Variants in KIAA0319L observed in about 807,000 individuals in gnomAD.
KIAA0319L encodes dyslexia-associated protein KIAA0319-like protein.
Under a neutral mutation model 120.1 loss-of-function variants are expected in KIAA0319L, and 55 were observed. That is an observed-to-expected ratio of 0.46 (90% CI 0.37 to 0.57). The LOEUF is 0.57. Ranked by LOEUF, KIAA0319L falls within the 20% of genes least tolerant of loss-of-function variation. The probability of loss-of-function intolerance (pLI) is 0.00; values close to 1 mark genes in which losing one functional copy is unlikely to be tolerated. For synonymous variants in KIAA0319L, 398 were observed against 471.9 expected, an observed-to-expected ratio of 0.84 and a Z score of 2.03; for missense variants, 1,049 against 1,255.3, an observed-to-expected ratio of 0.84 and a Z score of 2.48.
At chr1:35,502,455 TCATCAC>T (rs1299795417) in intron 3 of KIAA0319L, among the ~76,000 whole-genome samples, 1 of 151,574 alleles carries the variant, frequency 6.6e-6, no homozygotes, top group Non-Finnish European at 1.5e-5. Context: ...ATCATCATCA[TCATCAC>T]CATCACCATC....
intron 3 of KIAA0319L, among the ~76,000 whole-genome samples, chr1:35,484,798 ATATATATATTT>A (rs1285269229): frequency 0.012 from 296 of 25,298 alleles, 5 homozygotes; most frequent in African/African-American, 0.058. Flanking sequence ...ATATATATAT[ATATATATATTT>A]TTTTTTTTAT....
chr1:35,541,982 T>C (rs1458911231), intron 2 of KIAA0319L, among the ~76,000 whole-genome samples: 2 of 152,184 alleles, frequency 1.3e-5, no homozygotes, highest in African/African-American at 2.4e-5. Flanking sequence ...TAAAGCTATA[T>C]GAATGGAGGC....
intron 2 of KIAA0319L, among the ~76,000 whole-genome samples, chr1:35,529,749 T>C (rs893261507): frequency 6.6e-6 from 1 of 152,228 alleles, no homozygotes; most frequent in Non-Finnish European, 1.5e-5. Flanking sequence ...TCTTTTTGTC[T>C]TTACTTCTGA....
At chr1:35,502,029 A>G (rs1253090616) in intron 3 of KIAA0319L, among the ~76,000 whole-genome samples, 2 of 152,122 alleles carry the variant, frequency 1.3e-5, no homozygotes, top group Non-Finnish European at 1.5e-5. Flanking sequence ...CTGTAGTCCC[A>G]GCACTTTGGG....
chr1:35,514,895 T>C (rs555141445), intron 2 of KIAA0319L, among the ~76,000 whole-genome samples: 47 of 152,350 alleles, frequency 3.1e-4, no homozygotes, highest in African/African-American at 6.5e-4. Context: ...AGGGATCTGA[T>C]AGACCTCTAC....
chr1:35,454,933 TG>T (rs1434993469), intron 10 of KIAA0319L, among the ~76,000 whole-genome samples: 2 of 152,248 alleles, frequency 1.3e-5, no homozygotes, highest in African/African-American at 4.8e-5. Flanking sequence ...CTCAAGATGC[TG>T]TATAACACCA....
chr1:35,516,816 G>A (rs1207046382), intron 2 of KIAA0319L, among the ~76,000 whole-genome samples: 3 of 151,974 alleles, frequency 2.0e-5, no homozygotes, highest in Admixed American at 6.6e-5. Flanking sequence ...CCACAGTCTC[G>A]GCCCAAAAGC....
chr1:35,511,711 C>G (rs1384825769), intron 2 of KIAA0319L, among the ~76,000 whole-genome samples: 1 of 152,122 alleles, frequency 6.6e-6, no homozygotes. Flanking sequence ...GAAGCCTTCT[C>G]ATTTGTAAGG....
upstream of KIAA0319L, chr1:35,557,421 C>T (rs536895233): frequency 9.0e-6 from 3 of 332,358 alleles, no homozygotes; most frequent in Non-Finnish European, 1.8e-5. Flanking sequence ...CCTCCCACCT[C>T]CCCGGGACCG....
At chr1:35,470,484 C>A (rs942033547) in intron 6 of KIAA0319L, among the ~76,000 whole-genome samples, 4 of 107,614 alleles carry the variant, frequency 3.7e-5, no homozygotes, top group Non-Finnish European at 7.2e-5. Context: ...CAGAGCAAGA[C>A]CCTGTCTCAA....
intron 3 of KIAA0319L, among the ~76,000 whole-genome samples, chr1:35,482,323 A>G (rs1468331656): frequency 6.6e-6 from 1 of 152,000 alleles, no homozygotes; most frequent in East Asian, 1.9e-4. Flanking sequence ...TCTGCTTTAT[A>G]TTATATACTA....
intron 19 of KIAA0319L, among the ~76,000 whole-genome samples, chr1:35,441,981 C>G (rs1231213002): frequency 1.3e-5 from 2 of 152,188 alleles, no homozygotes; most frequent in East Asian, 1.9e-4. Flanking sequence ...CTCACTCCCC[C>G]ACCTTGCCCT....
intron 2 of KIAA0319L, among the ~76,000 whole-genome samples, chr1:35,513,542 G>A (rs895655746): frequency 2.6e-5 from 4 of 151,782 alleles, no homozygotes; most frequent in Admixed American, 6.6e-5. Context: ...GCTTGAGCTT[G>A]GGAGATACTG....
intron 3 of KIAA0319L, among the ~76,000 whole-genome samples, chr1:35,484,806 A>ATATTTTTT (rs1381080295): frequency 2.3e-5 from 2 of 86,264 alleles, no homozygotes; most frequent in Admixed American, 1.1e-4. Flanking sequence ...ATATATATAT[A>ATATTTTTT]TTTTTTTTTT....
At chr1:35,488,446 G>A (rs960353791) in intron 3 of KIAA0319L, among the ~76,000 whole-genome samples, 1 of 152,164 alleles carries the variant, frequency 6.6e-6, no homozygotes, top group African/African-American at 2.4e-5. Flanking sequence ...AAACGAAATA[G>A]ACTACAGAAG....
At chr1:35,520,257 G>A (rs920555203) in intron 2 of KIAA0319L, among the ~76,000 whole-genome samples, 6 of 151,668 alleles carry the variant, frequency 4.0e-5, no homozygotes, top group African/African-American at 4.8e-5. Context: ...GTGCCACCAC[G>A]CCTGGCTAAT....
chr1:35,518,821 T>C (rs902813265), intron 2 of KIAA0319L, among the ~76,000 whole-genome samples: 2 of 151,888 alleles, frequency 1.3e-5, no homozygotes, highest in African/African-American at 4.8e-5. Flanking sequence ...CTAGCCAACA[T>C]AGTGAAACCT....
chr1:35,554,388 T>C lies in KIAA0319L; in HGVS notation c.104A>G (p.Tyr35Cys). ...AKWLRSLYLFYTCFCFSVLWL... is the reference protein window; with the variant it reads ...AKWLRSLYLFCTCFCFSVLWL... ...CAGAACGCTGAAGCAAAAGCAAGTATAAAACAGGTACAGGCTTCTCAACCA... is the reference window on the plus strand; with the variant it reads ...CAGAACGCTGAAGCAAAAGCAAGTACAAAACAGGTACAGGCTTCTCAACCA... Residue 35 changes from tyrosine to cysteine, a missense_variant, in exon 2 of 21, where the codon TAT becomes TGT. By Grantham distance (194) the Tyr-to-Cys change is radical (BLOSUM62 -2). Coordinates refer to ENST00000325722, the MANE Select transcript of KIAA0319L (RefSeq NM_024874.5). 1 of 1,611,366 alleles carries C rather than the reference T, an allele frequency of 6.2e-7. No homozygotes were observed. The highest frequency in any genetic ancestry group is 8.5e-7 in the Non-Finnish European group (1 of 1,179,202).
chr1:35,498,520 C>T (rs974979142), intron 3 of KIAA0319L, among the ~76,000 whole-genome samples: 1 of 152,124 alleles, frequency 6.6e-6, no homozygotes, highest in African/African-American at 2.4e-5. Context: ...GGTTTCAATT[C>T]ATATTCTCTT....
Sources: gnomAD v4.1 joint callset for allele counts (sites outside exome capture counted in the v4.1 genomes callset) on GRCh38, gnomAD v4.1.1 for gene constraint, MANE v1.5 for transcripts, NCBI Gene and HGNC (gene_info 2026-07-23, HGNC 2026-07-21) for gene names.